HIP1: variants seen among roughly 807,000 people sequenced by gnomAD.
The protein encoded by HIP1 is huntingtin interacting protein 1.
HIP1 carries 65 observed loss-of-function variants against 147.6 expected under a neutral mutation model. The ratio of observed to expected loss-of-function variants is 0.44; its 90% CI spans 0.36 to 0.54. The LOEUF is 0.54. Among genes scored for constraint, HIP1 ranks in the 20% least tolerant of loss-of-function variants. HIP1 has a pLI of 0.00. For synonymous variants in HIP1, 479 were observed against 504.0 expected (o/e 0.95, Z 0.67); for missense variants, 1,061 against 1,299.6 (o/e 0.82, Z 2.82).
At chr7:75,558,465 G>T (rs1404900246) in intron 14 of HIP1, among the ~76,000 whole-genome samples, 1 of 152,130 alleles carries the variant, frequency 6.6e-6, no homozygotes, top group African/African-American at 2.4e-5. Flanking sequence ...AGTCTCCTGA[G>T]TAGCTGGGTT....
chr7:75,586,937 T>G (rs1796312437), intron 4 of HIP1, 104 bp from the exon 5 acceptor site: 2 of 759,062 alleles, frequency 2.6e-6, no homozygotes, highest in Non-Finnish European at 4.6e-6. Flanking sequence ...CTTTGTTTTC[T>G]CCCCTTTATT....
chr7:75,659,659 A>G (rs1311871481), intron 1 of HIP1, among the ~76,000 whole-genome samples: 1 of 152,096 alleles, frequency 6.6e-6, no homozygotes, highest in Non-Finnish European at 1.5e-5. Context: ...AAAGAGAAAA[A>G]AAAAGACAGA....
At chr7:75,549,060 C>A in intron 22 of HIP1, 59 bp from the exon 23 acceptor site, 1 of 1,194,842 alleles carries the variant, frequency 8.4e-7, no homozygotes, top group Admixed American at 1.7e-5. Flanking sequence ...TTCTCCTCTG[C>A]CATCTGTAAC....
intron 1 of HIP1, among the ~76,000 whole-genome samples, chr7:75,685,781 T>C (rs951100418): frequency 6.6e-6 from 1 of 152,170 alleles, no homozygotes; most frequent in Non-Finnish European, 1.5e-5. Context: ...ACTCCTGACC[T>C]CAGGTGATCT....
At chr7:75,635,325 T>C (rs587688645) in intron 1 of HIP1, among the ~76,000 whole-genome samples, 2 of 152,188 alleles carry the variant, frequency 1.3e-5, no homozygotes, top group South Asian at 4.1e-4. Flanking sequence ...AAATACAGCC[T>C]GTGCTCAGCT....
At chr7:75,542,423 G>A (rs370368475) in intron 28 of HIP1, among the ~76,000 whole-genome samples, 3 of 151,118 alleles carry the variant, frequency 2.0e-5, no homozygotes, top group South Asian at 2.1e-4. Context: ...ATGGCAGGGC[G>A]CGGTGGCTCA....
intron 1 of HIP1, among the ~76,000 whole-genome samples, chr7:75,600,060 G>A (rs782365945): frequency 4.6e-5 from 7 of 151,500 alleles, no homozygotes; most frequent in East Asian, 1.9e-4. Flanking sequence ...GGCTGGTCTC[G>A]AGATCCTGAC....
At chr7:75,607,529 TAAAAA>T (rs140305342) in intron 1 of HIP1, among the ~76,000 whole-genome samples, 4 of 107,396 alleles carry the variant, frequency 3.7e-5, no homozygotes, top group African/African-American at 1.3e-4. Flanking sequence ...ATGCCCAGCC[TAAAAA>T]AAAAAAAAAA....
At chr7:75,726,261 A>G (rs1801646392) in intron 1 of HIP1, among the ~76,000 whole-genome samples, 1 of 149,882 alleles carries the variant, frequency 6.7e-6, no homozygotes, top group African/African-American at 2.5e-5. Flanking sequence ...CCCAGTTTAC[A>G]GTCCCACCTG....
chr7:75,734,245 C>T (rs1584989679), intron 1 of HIP1, among the ~76,000 whole-genome samples: 2 of 140,230 alleles, frequency 1.4e-5, no homozygotes, highest in African/African-American at 5.5e-5. Context: ...GACTCTGTCT[C>T]AAATAAATAA....
chr7:75,656,096 G>C (rs1799131944), intron 1 of HIP1, among the ~76,000 whole-genome samples: 1 of 152,000 alleles, frequency 6.6e-6, no homozygotes, highest in South Asian at 2.1e-4. Flanking sequence ...TCCAGCCTGG[G>C]TGACAGGCAA....
At chr7:75,611,466 CAAA>C (rs11390672) in intron 1 of HIP1, among the ~76,000 whole-genome samples, 4 of 87,642 alleles carry the variant, frequency 4.6e-5, no homozygotes, top group Admixed American at 1.3e-4. Flanking sequence ...GACTCTGTCT[CAAA>C]AAAAAAAAAA....
intron 1 of HIP1, among the ~76,000 whole-genome samples, chr7:75,660,571 G>T (rs1395868394): frequency 6.6e-6 from 1 of 152,086 alleles, no homozygotes; most frequent in Non-Finnish European, 1.5e-5. Context: ...TTACTTGATT[G>T]GTAAGAGAAG....
At chr7:75,661,169 T>G (rs1554513540) in intron 1 of HIP1, among the ~76,000 whole-genome samples, 1 of 151,200 alleles carries the variant, frequency 6.6e-6, no homozygotes, top group Non-Finnish European at 1.5e-5. Context: ...TCCCAGCTAC[T>G]CAGGAGGTTG....
chr7:75,610,585 G>A (rs1797397388), intron 1 of HIP1, among the ~76,000 whole-genome samples: 1 of 151,534 alleles, frequency 6.6e-6, no homozygotes, highest in Non-Finnish European at 1.5e-5. Context: ...TCCCTACCCA[G>A]ACTAGAATCC....
At chr7:75,616,154 C>T (rs587738752) in intron 1 of HIP1, among the ~76,000 whole-genome samples, 7 of 151,108 alleles carry the variant, frequency 4.6e-5, no homozygotes, top group African/African-American at 9.7e-5. Flanking sequence ...CAAAGTATCT[C>T]GTAACATCGT....
intron 1 of HIP1, among the ~76,000 whole-genome samples, chr7:75,734,728 C>CA (rs1801962100): frequency 6.6e-6 from 1 of 152,162 alleles, no homozygotes; most frequent in Non-Finnish European, 1.5e-5. Context: ...CTACCCCAGC[C>CA]AATGAGTCTC....
intron 7 of HIP1, among the ~76,000 whole-genome samples, chr7:75,577,009 A>G (rs1369362274): frequency 1.3e-5 from 2 of 152,126 alleles, no homozygotes; most frequent in East Asian, 1.9e-4. Context: ...TGAGTGCCCT[A>G]TTGGACAGTG....
At chr7:75,572,416 G>T (rs1554496824) in intron 8 of HIP1, among the ~76,000 whole-genome samples, 1 of 152,118 alleles carries the variant, frequency 6.6e-6, no homozygotes, top group African/African-American at 2.4e-5. Flanking sequence ...GTAGATAAAT[G>T]GTCTGGAAAT....
Sources: gnomAD v4.1 joint callset for allele counts (sites outside exome capture counted in the v4.1 genomes callset) on GRCh38, gnomAD v4.1.1 for gene constraint, MANE v1.5 for transcripts, NCBI Gene and HGNC (gene_info 2026-07-23, HGNC 2026-07-21) for gene names.